The following CARS2 variants were observed in gnomAD, a reference collection of about 807,000 sequenced individuals.
CARS2 encodes the protein probable cysteine--tRNA ligase, mitochondrial.
CARS2 carries 52 observed loss-of-function variants against 68.8 expected under a neutral mutation model. That is an observed-to-expected ratio of 0.76 (90% confidence interval 0.61 to 0.95). CARS2 has a LOEUF of 0.95. Among genes scored for constraint, CARS2 ranks in the 40% least tolerant of loss-of-function variants. CARS2 has a pLI of 0.00. For missense variants in CARS2, 780 were observed against 754.2 expected (o/e 1.03, Z -0.40); for synonymous variants, 314 against 303.6 (o/e 1.03, Z -0.36).
At chr13:110,663,218 G>T (rs2062556442) in intron 9 of CARS2, among the ~76,000 whole-genome samples, 2 of 152,112 alleles carry the variant, frequency 1.3e-5, no homozygotes, top group African/African-American at 4.8e-5. Context: ...AAAGAGAAAG[G>T]GAAGCTCCAC....
intron 6 of CARS2, among the ~76,000 whole-genome samples, chr13:110,679,398 C>CA (rs1193096542): frequency 6.6e-6 from 1 of 151,516 alleles, no homozygotes; most frequent in African/African-American, 2.4e-5. Flanking sequence ...GGTGTGGTGG[C>CA]AGGTGCCTGT....
At chr13:110,643,119 C>A (rs955933155) in intron 13 of CARS2, 10 of 246,522 alleles carry the variant, frequency 4.1e-5, no homozygotes, top group African/African-American at 1.8e-4. Context: ...ACCTCACACA[C>A]CCCTCAGTTA....
intron 5 of CARS2, among the ~76,000 whole-genome samples, chr13:110,683,398 A>G (rs781758006): frequency 4.6e-5 from 7 of 152,220 alleles, no homozygotes; most frequent in Non-Finnish European, 1.0e-4. Context: ...AGGTGGGGCT[A>G]TAGGAGTGAC....
intron 7 of CARS2, among the ~76,000 whole-genome samples, chr13:110,675,153 T>C (rs2062910262): frequency 6.6e-6 from 1 of 152,198 alleles, no homozygotes; most frequent in Non-Finnish European, 1.5e-5. Flanking sequence ...AGTGTGGCGA[T>C]TCCTCAGGGA....
intron 2 of CARS2, among the ~76,000 whole-genome samples, chr13:110,703,975 T>C (rs534263473): frequency 7.9e-5 from 12 of 152,246 alleles, no homozygotes; most frequent in Non-Finnish European, 1.8e-4. Context: ...AATGCCCTCA[T>C]AGAAGAGACC....
chr13:110,702,782 C>A (rs1195614811), intron 2 of CARS2, among the ~76,000 whole-genome samples: 1 of 152,176 alleles, frequency 6.6e-6, no homozygotes, highest in Non-Finnish European at 1.5e-5. Context: ...ACACGCCTTG[C>A]AAGTGCCGGG....
intron 3 of CARS2, among the ~76,000 whole-genome samples, chr13:110,692,983 G>A (rs1458068389): frequency 4.6e-5 from 7 of 150,832 alleles, no homozygotes; most frequent in South Asian, 2.1e-4. Context: ...GGTGGTGGGC[G>A]CCTGTAATCC....
intron 3 of CARS2, among the ~76,000 whole-genome samples, chr13:110,690,197 T>G (rs905748535): frequency 5.9e-5 from 9 of 152,074 alleles, no homozygotes; most frequent in African/African-American, 1.4e-4. Flanking sequence ...TACTGCACTC[T>G]AGACTGGGCG....
intron 6 of CARS2, among the ~76,000 whole-genome samples, chr13:110,680,430 A>G (rs2063127534): frequency 6.6e-6 from 1 of 152,192 alleles, no homozygotes; most frequent in South Asian, 2.1e-4. Context: ...AAGGTATTCC[A>G]GCAAATAAAG....
At chr13:110,672,985 G>C (rs1446783408) in intron 7 of CARS2, among the ~76,000 whole-genome samples, 1 of 152,108 alleles carries the variant, frequency 6.6e-6, no homozygotes, top group Non-Finnish European at 1.5e-5. Context: ...ATAAATTCCT[G>C]GACACATACA....
upstream of CARS2, among the ~76,000 whole-genome samples, chr13:110,711,296 A>C (rs2064025212): frequency 6.6e-6 from 1 of 152,054 alleles, no homozygotes; most frequent in Non-Finnish European, 1.5e-5. Flanking sequence ...GGCTCACTGC[A>C]ACCTCCCCTC....
rs1044943829 is a variant in CARS2, at chr13:110,665,109, C to T, written c.920-1591G>A. ...GGGGCCAAACTAGTATGAAAAAGAT[C>T]GCTGGTATCTTAACAGGTAGTAAAA... On this transcript the variant is annotated intron_variant, in intron 8 of 14. Coordinates refer to ENST00000257347, the MANE Select transcript of CARS2 (RefSeq NM_024537.4). The surrounding 1 kb of genome is among the most constrained non-coding windows in gnomAD (Gnocchi z 4.3). 1.0e-5 allele frequency: 10 copies of T among 985,210 alleles called. No individual in the cohort carries two copies. In the African/African-American group the frequency reaches 1.0e-4, roughly 10 times the overall value. 61.0% of individuals were successfully genotyped at this position (985,210 alleles called of 1,614,324 possible).
rs114647681 is a variant in CARS2 at position 110,686,391 on chromosome 13, C to T, written c.571+1330G>A. Among the ~76,000 whole-genome samples, 999 of 152,022 alleles carry T rather than the reference C, an allele frequency of 6.6e-3. 10 individuals carry two copies. The highest frequency in any genetic ancestry group is 0.021 in the African/African-American group (873 of 41,442). Reference sequence around the variant, plus strand: ...CTGAGTAGCTGAGACTACAGGAGCACGCCACCATGCCTAGCTAATTTTTAT... The same window carrying T: ...CTGAGTAGCTGAGACTACAGGAGCATGCCACCATGCCTAGCTAATTTTTAT... On this transcript the variant is annotated intron_variant, in intron 5 of 14. Coordinates refer to ENST00000257347, the MANE Select transcript of CARS2 (RefSeq NM_024537.4).
chr13:110,683,725 AACATCATCTGGCTGGGTG>A (rs913246040), intron 5 of CARS2, among the ~76,000 whole-genome samples: 1 of 152,118 alleles, frequency 6.6e-6, no homozygotes, highest in African/African-American at 2.4e-5. Context: ...TCAGATTGAA[AACATCATCTGGCTGGGTG>A]CAGTGGCTCA....
rs718341 is a variant in CARS2 at position 110,683,382 on chromosome 13, C to A, written c.572-248G>T. Reference sequence around the variant, plus strand: ...CAGGCAGTCTTCCCACCTCAACCTTCCCAGTAGGTGGGGCTATAGGAGTGA... The same window carrying A: ...CAGGCAGTCTTCCCACCTCAACCTTACCAGTAGGTGGGGCTATAGGAGTGA... On this transcript the variant is annotated intron_variant, in intron 5 of 14. Coordinates refer to ENST00000257347, the MANE Select transcript of CARS2 (RefSeq NM_024537.4). 0.18 allele frequency among the ~76,000 whole-genome samples: 27,870 copies of A among 152,142 alleles called. 2,963 individuals carry two copies. Among genetic ancestry groups the A allele is most frequent in the Admixed American group, 0.33 (4,983 of 15,266 alleles).
chr13:110,645,979 C>T lies in CARS2; in HGVS notation c.1305G>A (p.Arg435=), dbSNP rs773467148. Residue 435 remains arginine, a synonymous_variant, in exon 12 of 15, where the codon AGG becomes AGA. Coordinates refer to ENST00000257347, the MANE Select transcript of CARS2 (RefSeq NM_024537.4). ...TTCGTTGAGCTACCTTCAGGGACGC[C>T]CTGAGCTGTCCATTCCCGTGGTGTG... ...GLAHHGNGQL[R]ASLKEPEGPR... The T allele has an allele frequency of 6.2e-7, 1 of 1,613,522 alleles. No individual in the cohort carries two copies. Among genetic ancestry groups the T allele is most frequent in the Non-Finnish European group, 8.5e-7 (1 of 1,179,792 alleles).
At chr13:110,644,131 T>G in intron 13 of CARS2, 1 of 1,393,654 alleles carries the variant, frequency 7.2e-7, no homozygotes, top group Non-Finnish European at 9.5e-7. Flanking sequence ...GCTGGCGACA[T>G]TCTGTTGCTG....
chr13:110,644,552 T>C (rs1388359402), intron 12 of CARS2, 69 bp from the exon 13 acceptor site: 1 of 1,596,782 alleles, frequency 6.3e-7, no homozygotes, highest in African/African-American at 1.4e-5. Context: ...CGGAATTCAA[T>C]GTCAAAAGAC....
intron 3 of CARS2, among the ~76,000 whole-genome samples, chr13:110,695,469 T>C (rs2063593082): frequency 6.6e-6 from 1 of 152,102 alleles, no homozygotes; most frequent in Admixed American, 6.6e-5. Context: ...GATTTTGGTA[T>C]GTGGGGAGGG....
Sources: allele counts gnomAD v4.1 joint callset (sites outside exome capture counted in the v4.1 genomes callset), GRCh38; gene constraint gnomAD v4.1.1; non-coding constraint Gnocchi (gnomAD v3.1); transcripts MANE v1.5; gene names NCBI Gene and HGNC (gene_info 2026-07-23, HGNC 2026-07-21).